Variants in CELF4 observed in about 807,000 individuals in gnomAD.
CELF4 encodes the protein CUG-BP- and ETR-3-like factor 4.
A neutral mutation model predicts 59.9 loss-of-function variants in CELF4; 18 were observed. The observed-to-expected ratio is 0.30, with a 90% CI of 0.21 to 0.45. The LOEUF (loss-of-function observed/expected upper bound fraction) is 0.45, where lower values mean the gene tolerates loss of function less well. Ranked by LOEUF, CELF4 falls within the 20% of genes least tolerant of loss-of-function variation. CELF4 has a pLI of 1.00. For missense variants in CELF4, 456 were observed against 689.0 expected (o/e 0.66, Z 3.79); for synonymous variants, 261 against 267.1 (o/e 0.98, Z 0.22).
At chr18:37,281,905 T>G (rs1300301622) in intron 3 of CELF4, among the ~76,000 whole-genome samples, 1 of 152,132 alleles carries the variant, frequency 6.6e-6, no homozygotes, top group African/African-American at 2.4e-5. Flanking sequence ...TAACTTTACC[T>G]GTGGATCAGG....
At chr18:37,491,071 C>A (rs918416964) in intron 1 of CELF4, among the ~76,000 whole-genome samples, 1 of 152,096 alleles carries the variant, frequency 6.6e-6, no homozygotes, top group Admixed American at 6.5e-5. Flanking sequence ...AGAAGTCACA[C>A]CACAGTGCTG....
At chr18:37,360,823 T>C (rs1180819937) in intron 2 of CELF4, among the ~76,000 whole-genome samples, 1 of 152,252 alleles carries the variant, frequency 6.6e-6, no homozygotes, top group Non-Finnish European at 1.5e-5. Flanking sequence ...CGCCCATTAC[T>C]GAATCTCAGT....
intron 2 of CELF4, among the ~76,000 whole-genome samples, chr18:37,332,090 C>T (rs940895062): frequency 1.3e-5 from 2 of 152,176 alleles, no homozygotes; most frequent in African/African-American, 2.4e-5. Flanking sequence ...TGTTCAGTTC[C>T]AGAATGACCA....
chr18:37,467,999 TTGAG>T (rs2099812905), intron 2 of CELF4, among the ~76,000 whole-genome samples: 1 of 151,792 alleles, frequency 6.6e-6, no homozygotes, highest in African/African-American at 2.4e-5. Flanking sequence ...GTGTGTGTGT[TTGAG>T]TGATGAGTGT....
intron 6 of CELF4, chr18:37,273,483 T>C (rs1268766556): frequency 5.6e-6 from 6 of 1,064,340 alleles, no homozygotes; most frequent in Non-Finnish European, 6.8e-6. Flanking sequence ...CGTGGGGAAG[T>C]GACATCCAAA....
chr18:37,530,864 A>T (rs1346830583), intron 1 of CELF4, among the ~76,000 whole-genome samples: 1 of 151,838 alleles, frequency 6.6e-6, no homozygotes, highest in Non-Finnish European at 1.5e-5. Context: ...AGAGAGAAAG[A>T]CGGAGAGAGA....
intron 2 of CELF4, among the ~76,000 whole-genome samples, chr18:37,362,699 CTG>C (rs896692591): frequency 1.3e-5 from 2 of 152,192 alleles, no homozygotes; most frequent in African/African-American, 4.8e-5. Flanking sequence ...GCGCTGAACT[CTG>C]AACCTTCCTC....
intron 2 of CELF4, among the ~76,000 whole-genome samples, chr18:37,340,011 G>C (rs1247489496): frequency 6.6e-6 from 1 of 152,162 alleles, no homozygotes; most frequent in Admixed American, 6.5e-5. Flanking sequence ...ATCCTTATTA[G>C]CACGGCTGCG....
At chr18:37,544,465 T>C (rs1477608477) in intron 1 of CELF4, among the ~76,000 whole-genome samples, 1 of 151,998 alleles carries the variant, frequency 6.6e-6, no homozygotes. Flanking sequence ...GCTGGGAAGC[T>C]GTGTGAGGTG....
chr18:37,509,283 G>C (rs901051253), intron 1 of CELF4, among the ~76,000 whole-genome samples: 1 of 152,174 alleles, frequency 6.6e-6, no homozygotes, highest in Admixed American at 6.5e-5. Flanking sequence ...ATAATATGTA[G>C]GTATTTTGAG....
At chr18:37,444,758 AG>A (rs1321044149) in intron 2 of CELF4, among the ~76,000 whole-genome samples, 1 of 152,128 alleles carries the variant, frequency 6.6e-6, no homozygotes, top group African/African-American at 2.4e-5. Context: ...TGGCCCCGAC[AG>A]GCTCAGGAGG....
At chr18:37,303,088 C>T (rs751442577) in intron 3 of CELF4, among the ~76,000 whole-genome samples, 1 of 152,142 alleles carries the variant, frequency 6.6e-6, no homozygotes, top group Non-Finnish European at 1.5e-5. Context: ...GGAGAAGGAA[C>T]AGGCATGAAA....
chr18:37,271,507 C>T (rs1047802186), intron 7 of CELF4, among the ~76,000 whole-genome samples: 6 of 152,154 alleles, frequency 3.9e-5, no homozygotes, highest in Admixed American at 6.5e-5. Flanking sequence ...CCACCCGCCT[C>T]GGCCTCCCAA....
At chr18:37,274,218 G>A (rs1056930990) in intron 6 of CELF4, 93 bp downstream of exon 6, 2 of 1,572,944 alleles carry the variant, frequency 1.3e-6, no homozygotes, top group Non-Finnish European at 1.7e-6. Context: ...AGAGGGCAAG[G>A]GATAGAGTAG....
rs1332596673 is a variant in CELF4, at chr18:37,246,396, CA to C, written c.*45-1200del. 6.6e-6 allele frequency among the ~76,000 whole-genome samples: 1 copy of C among 151,658 alleles called. No individual in the cohort carries two copies. The highest frequency in any genetic ancestry group is 2.4e-5 in the African/African-American group (1 of 41,246). ...TTAGTACTGTTTCTTCCAAACCAAC[CA>C]AAAAAAACCCTCCCGAGCCCCCAGT... On this transcript the variant is annotated intron_variant, in intron 12 of 12. Coordinates refer to ENST00000420428, the MANE Select transcript of CELF4 (RefSeq NM_020180.4). The surrounding 1 kb of genome is among the most constrained non-coding windows in gnomAD (Gnocchi z 5.3).
intron 2 of CELF4, among the ~76,000 whole-genome samples, chr18:37,470,836 CTGTGTGTGTGTGTGTGTGTGTGTGTGTG>C (rs71381583): frequency 2.1e-5 from 2 of 93,130 alleles, no homozygotes; most frequent in African/African-American, 4.4e-5. Flanking sequence ...CTTCATGACT[CTGTGTGTGTGTGTGTGTGTGTGTGTGTG>C]TGTGTGTGTG....
intron 1 of CELF4, among the ~76,000 whole-genome samples, chr18:37,558,099 T>G (rs1389798260): frequency 7.0e-6 from 1 of 142,538 alleles, no homozygotes; most frequent in Non-Finnish European, 1.5e-5. Context: ...CCACCCAGGC[T>G]CAAGCGATAC....
At chr18:37,541,243 C>A (rs539413685) in intron 1 of CELF4, among the ~76,000 whole-genome samples, 1 of 152,220 alleles carries the variant, frequency 6.6e-6, no homozygotes, top group East Asian at 1.9e-4. Flanking sequence ...GCCTCCCGCT[C>A]TCAGCAAGGC....
chr18:37,265,623 G>A (rs1329766538), intron 9 of CELF4, among the ~76,000 whole-genome samples: 2 of 152,168 alleles, frequency 1.3e-5, no homozygotes, highest in African/African-American at 4.8e-5. Flanking sequence ...CAACTGGAAA[G>A]GGCCTGAGGT....
Sources: gnomAD v4.1 joint callset for allele counts (sites outside exome capture counted in the v4.1 genomes callset) on GRCh38, gnomAD v4.1.1 for gene constraint, Gnocchi (gnomAD v3.1) non-coding constraint, MANE v1.5 for transcripts, NCBI Gene and HGNC (gene_info 2026-07-23, HGNC 2026-07-21) for gene names.